The following NUDT3 variants were observed in gnomAD, a reference collection of about 807,000 sequenced individuals.
NUDT3 encodes nudix hydrolase 3, also known as diphosphoinositol polyphosphate phosphohydrolase 1.
NUDT3 carries 9 observed loss-of-function variants against 23.6 expected under a neutral mutation model. The ratio of observed to expected loss-of-function variants is 0.38; its 90% confidence interval spans 0.23 to 0.66. The LOEUF (loss-of-function observed/expected upper bound fraction) is 0.66, where lower values mean the gene tolerates loss of function less well. Ranked by LOEUF, NUDT3 falls within the 30% of genes least tolerant of loss-of-function variation. The pLI is 0.52. For missense variants in NUDT3, 172 were observed against 218.5 expected, an observed-to-expected ratio of 0.79 and a Z score of 1.34; for synonymous variants, 86 against 82.6, an observed-to-expected ratio of 1.04 and a Z score of -0.22.
chr6:34,289,557 C>T (rs1763387417), intron 4 of NUDT3, among the ~76,000 whole-genome samples: 1 of 152,150 alleles, frequency 6.6e-6, no homozygotes, highest in Non-Finnish European at 1.5e-5. Context: ...CAGAGTGAGA[C>T]CCTGTCCCAA....
At chr6:34,390,918 T>C (rs1765187722) in intron 1 of NUDT3, among the ~76,000 whole-genome samples, 1 of 152,182 alleles carries the variant, frequency 6.6e-6, no homozygotes, top group African/African-American at 2.4e-5. Context: ...AAACAGTATA[T>C]AATTTACAGC....
intron 1 of NUDT3, among the ~76,000 whole-genome samples, chr6:34,390,094 C>T (rs1039683422): frequency 1.3e-5 from 2 of 151,814 alleles, no homozygotes; most frequent in Non-Finnish European, 2.9e-5. Context: ...GCCGAGATCA[C>T]GCCACTGCAC....
intron 1 of NUDT3, among the ~76,000 whole-genome samples, chr6:34,371,296 C>T (rs1162681383): frequency 1.3e-5 from 2 of 151,358 alleles, no homozygotes; most frequent in Admixed American, 6.6e-5. Flanking sequence ...TGGTGGAATT[C>T]GTCTCCACTG....
Position 34,289,034 on chromosome 6 carries a change from A to C in NUDT3, c.341-103T>G. The C allele has an allele frequency of 3.7e-6, 5 of 1,364,134 alleles. No individual in the cohort carries two copies. The South Asian group carries it at 6.5e-5, about 18-fold the overall frequency. 84.5% of individuals were successfully genotyped at this position (1,364,134 alleles called of 1,614,324 possible). A position where few individuals can be genotyped will look rare whatever the true frequency, so the allele number is the denominator to read the frequency against. On this transcript the variant is annotated intron_variant, in intron 4 of 4. Transcript: ENST00000607016. The stretch of plus-strand genomic sequence containing the variant: ...AAACATTAAAGCAATGTTTCTTAAC[A>C]CTTTTTTTCCTTACAAAAATAACTC...
At chr6:34,347,055 C>T (rs1474698481) in intron 1 of NUDT3, among the ~76,000 whole-genome samples, 2 of 152,224 alleles carry the variant, frequency 1.3e-5, no homozygotes, top group Non-Finnish European at 2.9e-5. Context: ...AGGCATGAGC[C>T]ACTGTGCCCA....
Position 34,281,608 on chromosome 6 carries a change from C to G in NUDT3, c.*7145G>C, listed in dbSNP as rs1334697194. On this transcript the variant is annotated 3_prime_UTR_variant, in exon 5 of 5. Transcript: ENST00000607016. ...ACAAAACTGTACTACATACTTATTT[C>G]TTTTACAGTAGAGCTGACCAATTAC... 6.6e-6 allele frequency: 1 copy of G among 152,184 alleles called. No homozygotes were observed. Among genetic ancestry groups the G allele is most frequent in the East Asian group, 1.9e-4 (1 of 5,192 alleles). The allele number at this position is 152,184 out of a possible 1,614,324, so 9.4% of individuals were successfully genotyped here.
chr6:34,365,085 C>G (rs111812192), intron 1 of NUDT3, among the ~76,000 whole-genome samples: 45 of 152,112 alleles, frequency 3.0e-4, no homozygotes, highest in African/African-American at 1.0e-3. Flanking sequence ...CCATCCAGGA[C>G]ACAATGTTGA....
intron 2 of NUDT3, among the ~76,000 whole-genome samples, chr6:34,326,085 C>T (rs887574414): frequency 2.0e-5 from 3 of 150,866 alleles, no homozygotes; most frequent in African/African-American, 7.5e-5. Context: ...ATTAGGAATT[C>T]ATGTTCATGT....
chr6:34,307,430 T>C (rs1275194478), intron 2 of NUDT3, among the ~76,000 whole-genome samples: 1 of 151,512 alleles, frequency 6.6e-6, no homozygotes, highest in Non-Finnish European at 1.5e-5. Context: ...ATAAAAAAAT[T>C]AGCCAGGCAT....
intron 1 of NUDT3, among the ~76,000 whole-genome samples, chr6:34,383,957 T>C (rs1178705289): frequency 6.6e-6 from 1 of 152,162 alleles, no homozygotes; most frequent in Non-Finnish European, 1.5e-5. Flanking sequence ...ATCATGATCT[T>C]AGAGCAATGT....
At chr6:34,366,213 A>T (rs1764726362) in intron 1 of NUDT3, among the ~76,000 whole-genome samples, 1 of 150,372 alleles carries the variant, frequency 6.7e-6, no homozygotes, top group South Asian at 2.1e-4. Flanking sequence ...CCAAAAAAAA[A>T]AAAATACAAA....
chr6:34,309,153 GGA>G lies in NUDT3; in HGVS notation c.211-13470_211-13469del, dbSNP rs542562484. 4.4e-3 allele frequency among the ~76,000 whole-genome samples: 663 copies of G among 152,176 alleles called. 2 individuals are homozygous for G. The highest frequency in any genetic ancestry group is 0.015 in the African/African-American group (630 of 41,492). On this transcript the variant is annotated intron_variant, in intron 2 of 4. Transcript: ENST00000607016. ...CCCAGCATTTTGGGAGGCCAAGATG[GGA>G]GGATCACTTGAGCTCAGGAGTTCGG...
At chr6:34,297,511 AGAT>A (rs1178037666) in intron 2 of NUDT3, among the ~76,000 whole-genome samples, 7 of 150,550 alleles carry the variant, frequency 4.6e-5, no homozygotes, top group Non-Finnish European at 7.4e-5. Flanking sequence ...CTGTTGGGGC[AGAT>A]GAGAGCCTTG....
chr6:34,326,187 C>T (rs1311329474), intron 2 of NUDT3, among the ~76,000 whole-genome samples: 1 of 152,170 alleles, frequency 6.6e-6, no homozygotes, highest in Non-Finnish European at 1.5e-5. Context: ...AACTCATGGT[C>T]TCTCCTGACT....
chr6:34,319,219 G>A (rs1561905429), intron 2 of NUDT3, among the ~76,000 whole-genome samples: 1 of 152,142 alleles, frequency 6.6e-6, no homozygotes. Flanking sequence ...GATGCCAGCA[G>A]GTTGTCATCC....
chr6:34,286,714 T>C lies in NUDT3; in HGVS notation c.*2039A>G, dbSNP rs762396938. 1.3e-5 allele frequency: 2 copies of C among 149,674 alleles called. No individual in the cohort carries two copies. Among genetic ancestry groups the C allele is most frequent in the Non-Finnish European group, 3.0e-5 (2 of 67,684 alleles). 9.3% of individuals were successfully genotyped at this position (149,674 alleles called of 1,614,324 possible). On this transcript the variant is annotated 3_prime_UTR_variant, in exon 5 of 5. Coordinates refer to ENST00000607016, the MANE Select transcript of NUDT3 (RefSeq NM_006703.4). ...TATCATGGTATCCCAAGAATATAAC[T>C]GCTCTTTGGCTCTGTGTGTGAAGAT...
Position 34,392,380 on chromosome 6 carries a change from GGGTGC to G in NUDT3, c.-23_-19del. The G allele has an allele frequency of 1.3e-6, 2 of 1,591,462 alleles. No homozygotes were observed. The highest frequency in any genetic ancestry group is 4.7e-5 in the East Asian group (2 of 42,816). On this transcript the variant is annotated 5_prime_UTR_variant, in exon 1 of 5. Coordinates refer to ENST00000607016, the MANE Select transcript of NUDT3 (RefSeq NM_006703.4). ...TTCATCATCCTCCGGGCCCGGGTGG[GGGTGC>G]GGTGCGGGTCGCAGGAGTCGAGGGG...
intron 2 of NUDT3, among the ~76,000 whole-genome samples, chr6:34,317,416 A>T (rs980697236): frequency 1.3e-5 from 2 of 149,284 alleles, no homozygotes; most frequent in Non-Finnish European, 3.0e-5. Flanking sequence ...GCAGACAAAG[A>T]AAAAAAAAAG....
At chr6:34,331,811 T>G (rs1454331980) in intron 2 of NUDT3, among the ~76,000 whole-genome samples, 1 of 152,230 alleles carries the variant, frequency 6.6e-6, no homozygotes, top group Non-Finnish European at 1.5e-5. Flanking sequence ...CAGTTGATCC[T>G]TGAATAATGT....
Sources: allele counts gnomAD v4.1 joint callset (sites outside exome capture counted in the v4.1 genomes callset), GRCh38; gene constraint gnomAD v4.1.1; transcripts MANE v1.5; gene names NCBI Gene and HGNC (gene_info 2026-07-23, HGNC 2026-07-21).